ATP10B: variants seen among roughly 807,000 people sequenced by gnomAD.
The protein encoded by ATP10B is phospholipid-transporting ATPase VB.
Under a neutral mutation model 141.2 loss-of-function variants are expected in ATP10B, and 122 were observed. The observed-to-expected ratio is 0.86, with a 90% CI of 0.75 to 1.00. ATP10B has a LOEUF of 1.00. ATP10B is among the 50% of genes least tolerant of loss of function. ATP10B has a pLI of 0.00. For synonymous variants in ATP10B, 685 were observed against 692.0 expected, an observed-to-expected ratio of 0.99 and a Z score of 0.16; for missense variants, 1,876 against 1,825.3, an observed-to-expected ratio of 1.03 and a Z score of -0.51.
intron 14 of ATP10B, among the ~76,000 whole-genome samples, chr5:160,621,234 C>T (rs76121728): frequency 0.018 from 2,795 of 152,262 alleles, 81 homozygotes; most frequent in African/African-American, 0.064. Flanking sequence ...TCTTTGAGTG[C>T]GGTATCTCAT....
intron 22 of ATP10B, among the ~76,000 whole-genome samples, chr5:160,591,953 C>T (rs1756326292): frequency 6.6e-6 from 1 of 152,154 alleles, no homozygotes; most frequent in Non-Finnish European, 1.5e-5. Flanking sequence ...TCAAATACTA[C>T]ACTTGGCTTT....
the ATP10B span, among the ~76,000 whole-genome samples, chr5:160,925,813 TAGG>T: frequency 2.6e-5 from 4 of 152,164 alleles, no homozygotes; most frequent in Admixed American, 2.0e-4. Flanking sequence ...ATTAGGAAAA[TAGG>T]AGTCCTTTTG....
At chr5:160,610,491 G>C (rs1757660759) in intron 18 of ATP10B, among the ~76,000 whole-genome samples, 1 of 152,152 alleles carries the variant, frequency 6.6e-6, no homozygotes, top group Non-Finnish European at 1.5e-5. Context: ...TCCTGAACTT[G>C]TAATCCACAG....
chr5:160,833,756 C>T (rs189112984), intron 1 of ATP10B, among the ~76,000 whole-genome samples: 7 of 152,014 alleles, frequency 4.6e-5, no homozygotes, highest in Non-Finnish European at 8.8e-5. Context: ...AGACAGAACC[C>T]TATTTTTACT....
At chr5:160,812,779 G>T (rs956093467) in intron 1 of ATP10B, among the ~76,000 whole-genome samples, 14 of 152,114 alleles carry the variant, frequency 9.2e-5, no homozygotes, top group African/African-American at 3.4e-4. Flanking sequence ...TTTCAAAAGG[G>T]CAAATCTAAA....
At chr5:160,900,907 AGTTTT>A in the ATP10B span, among the ~76,000 whole-genome samples, 2 of 98,134 alleles carry the variant, frequency 2.0e-5, no homozygotes, top group African/African-American at 3.5e-5. Context: ...GGGGTAGAGA[AGTTTT>A]TTTTTTTTTT....
intron 1 of ATP10B, among the ~76,000 whole-genome samples, chr5:160,810,410 A>T (rs1773073962): frequency 6.6e-6 from 1 of 152,084 alleles, no homozygotes; most frequent in Non-Finnish European, 1.5e-5. Flanking sequence ...TCTTTTTATC[A>T]TCAATAATTT....
chr5:160,888,496 C>T, the ATP10B span, among the ~76,000 whole-genome samples: 823 of 152,246 alleles, frequency 5.4e-3, 8 homozygotes, highest in African/African-American at 0.019. Flanking sequence ...TAGAAGCCAC[C>T]CAGGGTCTGC....
intron 10 of ATP10B, among the ~76,000 whole-genome samples, chr5:160,639,414 T>C (rs765062122): frequency 6.6e-6 from 1 of 152,156 alleles, no homozygotes; most frequent in South Asian, 2.1e-4. Flanking sequence ...ATCTCGATTA[T>C]GAAGGTGGGC....
chr5:160,791,154 C>T (rs2127908282), intron 1 of ATP10B, among the ~76,000 whole-genome samples: 1 of 152,256 alleles, frequency 6.6e-6, no homozygotes, highest in Admixed American at 6.5e-5. Context: ...TATAAATTTT[C>T]CCCTAGCACC....
intron 1 of ATP10B, among the ~76,000 whole-genome samples, chr5:160,825,976 A>G (rs1288390863): frequency 6.6e-6 from 1 of 152,200 alleles, no homozygotes; most frequent in Non-Finnish European, 1.5e-5. Context: ...CTTTGCTGCA[A>G]AGAAAATGAT....
In ATP10B at chr5:160,632,129, T is replaced by C; in HGVS notation, c.1620A>G (p.Ile540Met). 6.2e-7 allele frequency: 1 copy of C among 1,611,248 alleles called. No individual in the cohort carries two copies. The highest frequency in any genetic ancestry group is 8.5e-7 in the Non-Finnish European group (1 of 1,177,756). Residue 540 changes from isoleucine to methionine, a missense_variant and splice_region_variant, in exon 13 of 26, where the codon ATA becomes ATG. Ile to Met is a conservative substitution (Grantham distance 10). Coordinates refer to ENST00000327245, the MANE Select transcript of ATP10B (RefSeq NM_025153.3). ...SQPPVAFSSSIEKDVTPDKNL... is the reference protein window; with the variant it reads ...SQPPVAFSSSMEKDVTPDKNL... ...TTCAAAGGCAAAAGTCAGGACTTAC[T>C]ATGGAGCTGCTGAAGGCCACAGGAG...
At chr5:160,730,285 A>G (rs1298877064) in intron 2 of ATP10B, among the ~76,000 whole-genome samples, 1 of 152,106 alleles carries the variant, frequency 6.6e-6, no homozygotes, top group African/African-American at 2.4e-5. Flanking sequence ...TGCTGATGAG[A>G]TTCAAGTCTG....
intron 3 of ATP10B, among the ~76,000 whole-genome samples, chr5:160,716,164 A>G (rs1182296092): frequency 6.6e-6 from 1 of 152,222 alleles, no homozygotes; most frequent in East Asian, 1.9e-4. Flanking sequence ...TCAAAAATGG[A>G]AACAAATGTC....
intron 2 of ATP10B, among the ~76,000 whole-genome samples, chr5:160,733,646 G>A (rs370444973): frequency 1.8e-4 from 26 of 147,486 alleles, no homozygotes; most frequent in East Asian, 1.2e-3. Context: ...ACACATATGT[G>A]TAACACATAT....
Position 160,776,578 on chromosome 5 carries a change from G to A in ATP10B, c.-331+8981C>T, listed in dbSNP as rs184163310. On this transcript the variant is annotated intron_variant, in intron 2 of 25. Transcript: ENST00000327245. ...CAGGTTGACACAGCTACTGAGTGAT[G>A]GAGATGAGGTTTCCAACCAGTTAGA... Among the ~76,000 whole-genome samples, 101 of 152,328 alleles carry A rather than the reference G, an allele frequency of 6.6e-4. 1 individual carries two copies. The highest frequency in any genetic ancestry group is 1.2e-3 in the Non-Finnish European group (84 of 68,030).
intron 6 of ATP10B, chr5:160,684,906 G>A (rs1448304058): frequency 1.1e-5 from 8 of 703,238 alleles, no homozygotes; most frequent in African/African-American, 5.2e-5. Flanking sequence ...CTTCCCAAGC[G>A]TCCTTGATGG....
At position 160,661,968 on chromosome 5, in the gene ATP10B, A is replaced by G. The variant is rs550666512; in HGVS notation, c.675+8495T>C. ...AGCAAAGTCTCAGGATACAAAATCA[A>G]TGTACAAAAATCACAAGCATTCTTA... is the stretch of plus-strand genomic sequence containing the variant. On this transcript the variant is annotated intron_variant, in intron 7 of 25. Transcript: ENST00000327245. Among the ~76,000 whole-genome samples the G allele has an allele frequency of 2.0e-5, 3 of 152,356 alleles. No individual in the cohort carries two copies. The South Asian group carries it at 6.2e-4, about 32-fold the overall frequency.
intron 1 of ATP10B, among the ~76,000 whole-genome samples, chr5:160,826,109 C>A (rs550412581): frequency 4.6e-5 from 7 of 152,162 alleles, no homozygotes; most frequent in Non-Finnish European, 1.0e-4. Context: ...AGTAGCATGG[C>A]AATGAACATA....
Sources: allele counts gnomAD v4.1 joint callset (sites outside exome capture counted in the v4.1 genomes callset), GRCh38; gene constraint gnomAD v4.1.1; transcripts MANE v1.5; gene names NCBI Gene and HGNC (gene_info 2026-07-23, HGNC 2026-07-21).